The following SSX2IP variants were observed in gnomAD, a reference collection of about 807,000 sequenced individuals.
SSX2IP encodes the protein SSX family member 2 interacting protein.
In SSX2IP, 55 loss-of-function variants were observed where a neutral mutation model predicts 84.9. The observed-to-expected ratio is 0.65, with a 90% CI of 0.52 to 0.81. The LOEUF (loss-of-function observed/expected upper bound fraction) is 0.81. SSX2IP is among the 30% of genes least tolerant of loss of function. The probability of loss-of-function intolerance (pLI) is 0.00; values close to 1 mark genes in which losing one functional copy is unlikely to be tolerated. For synonymous variants in SSX2IP, 239 were observed against 234.7 expected (o/e 1.02, Z -0.17); for missense variants, 664 against 705.2 (o/e 0.94, Z 0.66).
intron 1 of SSX2IP, among the ~76,000 whole-genome samples, chr1:84,677,865 C>A (rs753563437): frequency 6.6e-6 from 1 of 152,154 alleles, no homozygotes; most frequent in Non-Finnish European, 1.5e-5. Flanking sequence ...CTGTCCAACA[C>A]CTTGACAGCC....
Position 84,669,672 on chromosome 1 carries a change from A to C in SSX2IP, c.426+9T>G, listed in dbSNP as rs1219120945. The C allele has an allele frequency of 3.7e-6, 6 of 1,608,390 alleles. No individual in the cohort carries two copies. The highest frequency in any genetic ancestry group is 5.1e-6 in the Non-Finnish European group (6 of 1,175,280). On this transcript the variant is annotated intron_variant, in intron 4 of 13. Transcript: ENST00000342203. ...TTATGGCATTAAAATATGGATCTGC[A>C]ATTTCTACCTTAAGTTTTGAGTAGC...
chr1:84,658,100 C>T (rs1458877793), intron 9 of SSX2IP: 1 of 475,614 alleles, frequency 2.1e-6, no homozygotes, highest in Non-Finnish European at 3.6e-6. Flanking sequence ...GGCACCACTA[C>T]ACTCTAGCCT....
chr1:84,666,619 T>A (rs147542559), intron 4 of SSX2IP, among the ~76,000 whole-genome samples: 17 of 152,262 alleles, frequency 1.1e-4, no homozygotes, highest in African/African-American at 3.6e-4. Context: ...TTCGAGAGTA[T>A]ACTTGGCTTT....
At chr1:84,650,169 G>C (rs2298076) in intron 13 of SSX2IP, 193 bp downstream of exon 13, 5 of 628,938 alleles carry the variant, frequency 7.9e-6, no homozygotes, top group East Asian at 2.7e-5. Context: ...CTGTTCACTA[G>C]TGTATTTCCA....
chr1:84,678,426 T>C (rs1043159102), intron 1 of SSX2IP, among the ~76,000 whole-genome samples: 16 of 152,104 alleles, frequency 1.1e-4, no homozygotes, highest in African/African-American at 3.6e-4. Flanking sequence ...CCCCATCACA[T>C]AACCTTCTCC....
intron 4 of SSX2IP, among the ~76,000 whole-genome samples, chr1:84,668,300 T>C (rs577042469): frequency 6.6e-6 from 1 of 152,282 alleles, no homozygotes; most frequent in East Asian, 1.9e-4. Flanking sequence ...GCCCAGTACT[T>C]AATAAGACCT....
rs1311393450 is a variant in SSX2IP, at chr1:84,655,554, T to C, written c.1389+278A>G. On this transcript the variant is annotated intron_variant, in intron 11 of 13. Coordinates refer to ENST00000342203, the MANE Select transcript of SSX2IP (RefSeq NM_001166293.2). ...TGAATGATGGATACCCAAAAGAGAT[T>C]TCTTGTGTAAAACACTTAGCAGGAG... The C allele has an allele frequency of 3.6e-6, 5 of 1,386,198 alleles. No individual in the cohort carries two copies. The Admixed American group carries it at 6.4e-5, about 18-fold the overall frequency. 85.9% of individuals were successfully genotyped at this position (1,386,198 alleles called of 1,614,324 possible).
At chr1:84,669,381 T>C (rs1653213283) in intron 4 of SSX2IP, among the ~76,000 whole-genome samples, 1 of 152,114 alleles carries the variant, frequency 6.6e-6, no homozygotes, top group Admixed American at 6.6e-5. Context: ...TATACTTTCT[T>C]AACCAAGATT....
chr1:84,655,408 GTA>G, intron 11 of SSX2IP: 1 of 1,285,134 alleles, frequency 7.8e-7, no homozygotes, highest in South Asian at 1.3e-5. Context: ...GCTGTAGAGC[GTA>G]TATATAACAA....
chr1:84,660,428 C>T (rs1023163528), intron 8 of SSX2IP, among the ~76,000 whole-genome samples: 15 of 152,156 alleles, frequency 9.9e-5, no homozygotes, highest in African/African-American at 3.6e-4. Flanking sequence ...GTAATGGACA[C>T]TATGCTAACC....
intron 3 of SSX2IP, 143 bp from the exon 4 acceptor site, chr1:84,670,036 A>G: frequency 3.4e-6 from 2 of 594,726 alleles, no homozygotes; most frequent in East Asian, 2.9e-5. Context: ...ACTACGTACT[A>G]TATTCCTGAA....
chr1:84,669,167 CTTCCT>C (rs1458584612), intron 4 of SSX2IP, among the ~76,000 whole-genome samples: 1 of 34,574 alleles, frequency 2.9e-5, no homozygotes, highest in Non-Finnish European at 9.4e-5. Context: ...GTGAAAAATA[CTTCCT>C]TTTTTTTTTT....
At chr1:84,672,882 C>T (rs1440423355) in intron 1 of SSX2IP, among the ~76,000 whole-genome samples, 6 of 151,940 alleles carry the variant, frequency 3.9e-5, no homozygotes, top group East Asian at 1.9e-4. Flanking sequence ...AAAACTTAGC[C>T]GGCGTGGTGG....
At chr1:84,666,313 A>C in intron 4 of SSX2IP, 81 bp from the exon 5 acceptor site, 1 of 1,000,344 alleles carries the variant, frequency 1.0e-6, no homozygotes, top group African/African-American at 1.7e-5. Flanking sequence ...AGTAACAAGA[A>C]GTTATACATC....
intron 9 of SSX2IP, among the ~76,000 whole-genome samples, chr1:84,658,000 T>C (rs2102273219): frequency 6.6e-6 from 1 of 152,180 alleles, no homozygotes; most frequent in South Asian, 2.1e-4. Context: ...TAGCTGGCTA[T>C]GATGTGCGCC....
rs754127363 is a variant in SSX2IP, at chr1:84,647,666, C to T, written c.1671-59G>A. The stretch of plus-strand genomic sequence containing the variant: ...ATCCTCTCCTTCTTTTGTACTTTAA[C>T]CTCATAATGTGGCACTCTTCAAAAA... On this transcript the variant is annotated intron_variant, in intron 13 of 13. Coordinates refer to ENST00000342203, the MANE Select transcript of SSX2IP (RefSeq NM_001166293.2). 644 of 1,300,880 alleles carry T rather than the reference C, an allele frequency of 5.0e-4. 4 individuals carry two copies. The highest frequency in any genetic ancestry group is 7.3e-4 in the South Asian group (36 of 48,982). 80.6% of individuals were successfully genotyped at this position (1,300,880 alleles called of 1,614,324 possible).
chr1:84,672,398 C>T (rs954697998), intron 1 of SSX2IP, among the ~76,000 whole-genome samples: 1 of 148,886 alleles, frequency 6.7e-6, no homozygotes, highest in Admixed American at 6.7e-5. Flanking sequence ...TTTTAAAATG[C>T]TAGTAGCTAA....
rs775658757 is a variant in SSX2IP, at chr1:84,655,616, G to A, written c.1389+216C>T. 69 of 1,459,144 alleles carry A rather than the reference G, an allele frequency of 4.7e-5. No homozygotes were observed. In the South Asian group the frequency reaches 5.7e-4, roughly 12 times the overall value. The allele number at this position is 1,459,144 out of a possible 1,614,324, so 90.4% of individuals were successfully genotyped here. On this transcript the variant is annotated intron_variant, in intron 11 of 13. Coordinates refer to ENST00000342203, the MANE Select transcript of SSX2IP (RefSeq NM_001166293.2). ...GAAAGCAGTAATAAATGCTTATAGCGTTTTTTTTTCTTAAGTTCAATTCTC... is the reference window on the plus strand; with the variant it reads ...GAAAGCAGTAATAAATGCTTATAGCATTTTTTTTTCTTAAGTTCAATTCTC...
Position 84,647,260 on chromosome 1 carries a change from T to C in SSX2IP, c.*173A>G. 2.1e-6 allele frequency: 1 copy of C among 473,202 alleles called. No homozygotes were observed. The highest frequency in any genetic ancestry group is 3.6e-6 in the Non-Finnish European group (1 of 278,208). The allele number at this position is 473,202 out of a possible 1,614,324, so 29.3% of individuals were successfully genotyped here. A position where few individuals can be genotyped will look rare whatever the true frequency, so the allele number is the denominator to read the frequency against. On this transcript the variant is annotated 3_prime_UTR_variant, in exon 14 of 14. Coordinates refer to ENST00000342203, the MANE Select transcript of SSX2IP (RefSeq NM_001166293.2). The stretch of plus-strand genomic sequence containing the variant: ...AAAATACATATCCAAAGCTTTTATA[T>C]CCTTTTAAATAGATTTAAGATTTCA...
Sources: allele counts gnomAD v4.1 joint callset (sites outside exome capture counted in the v4.1 genomes callset), GRCh38; gene constraint gnomAD v4.1.1; transcripts MANE v1.5; gene names NCBI Gene and HGNC (gene_info 2026-07-23, HGNC 2026-07-21).